The following GPHN variants were observed in gnomAD, a reference collection of about 807,000 sequenced individuals.
GPHN encodes the protein gephyrin.
Under a neutral mutation model 95.5 loss-of-function variants are expected in GPHN, and 17 were observed. The observed-to-expected ratio is 0.18, with a 90% CI of 0.12 to 0.27. The LOEUF (loss-of-function observed/expected upper bound fraction) is 0.27, where lower values mean the gene tolerates loss of function less well. Among genes scored for constraint, GPHN ranks in the 10% least tolerant of loss-of-function variants. The pLI is 1.00. For synonymous variants in GPHN, 320 were observed against 322.5 expected (o/e 0.99, Z 0.08); for missense variants, 660 against 978.1 (o/e 0.67, Z 4.34).
At chr14:66,822,932 A>T (rs1177887324) in intron 3 of GPHN, among the ~76,000 whole-genome samples, 5 of 152,078 alleles carry the variant, frequency 3.3e-5, no homozygotes, top group Admixed American at 2.0e-4. Context: ...GTTCTAGGAT[A>T]CATCAGTCGG....
At chr14:67,029,386 G>A (rs185157234) in intron 10 of GPHN, among the ~76,000 whole-genome samples, 2 of 149,362 alleles carry the variant, frequency 1.3e-5, no homozygotes, top group Non-Finnish European at 3.0e-5. Context: ...TGCCCAGGCT[G>A]GTGTGCAATG....
chr14:67,589,237 T>A, the GPHN span: 1 of 541,920 alleles, frequency 1.8e-6, no homozygotes, highest in Non-Finnish European at 2.4e-6. Context: ...CCCCACCCTC[T>A]CTCCTCCCCA....
intron 1 of GPHN, among the ~76,000 whole-genome samples, chr14:66,664,086 C>T (rs1480120491): frequency 6.6e-6 from 1 of 152,132 alleles, no homozygotes; most frequent in Non-Finnish European, 1.5e-5. Context: ...AGAAAATTAA[C>T]AAAGATATTC....
chr14:67,702,034 C>G, the GPHN span: 1 of 152,120 alleles, frequency 6.6e-6, no homozygotes, highest in East Asian at 1.9e-4. Flanking sequence ...TTAGGCTTGT[C>G]TTGAACTCCT....
the GPHN span, among the ~76,000 whole-genome samples, chr14:67,643,013 G>C: frequency 6.6e-6 from 1 of 151,956 alleles, no homozygotes; most frequent in African/African-American, 2.4e-5. Context: ...ATGTTGCCCA[G>C]ACTGGTCTCG....
chr14:67,423,005 A>T, the GPHN span, among the ~76,000 whole-genome samples: 1 of 150,636 alleles, frequency 6.6e-6, no homozygotes, highest in Non-Finnish European at 1.5e-5. Context: ...CTAATTTTTT[A>T]TTTTTTTTAG....
the GPHN span, among the ~76,000 whole-genome samples, chr14:67,269,275 G>T: frequency 1.3e-5 from 2 of 152,026 alleles, no homozygotes; most frequent in Non-Finnish European, 2.9e-5. Flanking sequence ...TGAACATTTG[G>T]ATTTTTTCTA....
chr14:66,531,932 C>T (rs543937677), intron 1 of GPHN, among the ~76,000 whole-genome samples: 54 of 152,278 alleles, frequency 3.5e-4, no homozygotes, highest in Non-Finnish European at 5.9e-4. Context: ...AACTATTCAG[C>T]TCTGCCCTTG....
the GPHN span, among the ~76,000 whole-genome samples, chr14:67,475,214 C>A: frequency 6.6e-6 from 1 of 152,184 alleles, no homozygotes; most frequent in Admixed American, 6.5e-5. Flanking sequence ...TGTGCCCAGC[C>A]AGAATTTCCT....
intron 2 of GPHN, among the ~76,000 whole-genome samples, chr14:66,762,579 CTG>C (rs763688497): frequency 1.4e-3 from 201 of 142,714 alleles, no homozygotes; most frequent in Non-Finnish European, 2.4e-3. Context: ...AAAAAAAAAT[CTG>C]GGCTCTGGGA....
At chr14:67,024,382 ATC>A in intron 10 of GPHN, among the ~76,000 whole-genome samples, 1 of 152,208 alleles carries the variant, frequency 6.6e-6, no homozygotes, top group Non-Finnish European at 1.5e-5. Flanking sequence ...TGTTCTCTAT[ATC>A]TTAATAGCTT....
At chr14:67,362,785 C>T in the GPHN span, among the ~76,000 whole-genome samples, 1 of 152,100 alleles carries the variant, frequency 6.6e-6, no homozygotes, top group Non-Finnish European at 1.5e-5. Context: ...TTTCATTAGG[C>T]AATATGTTCA....
chr14:67,250,026 G>C, the GPHN span, among the ~76,000 whole-genome samples: 1 of 152,126 alleles, frequency 6.6e-6, no homozygotes, highest in Non-Finnish European at 1.5e-5. Flanking sequence ...TCAAGATAAA[G>C]CTGTTCTATT....
At chr14:66,921,668 T>C (rs2066224504) in intron 6 of GPHN, among the ~76,000 whole-genome samples, 1 of 152,102 alleles carries the variant, frequency 6.6e-6, no homozygotes, top group Non-Finnish European at 1.5e-5. Context: ...GCCATTCCCA[T>C]CAAAATACCA....
the GPHN span, among the ~76,000 whole-genome samples, chr14:67,694,950 G>A: frequency 6.6e-6 from 1 of 152,160 alleles, no homozygotes; most frequent in Middle Eastern, 3.4e-3. Context: ...TGATTCACTG[G>A]GGCACTTGGC....
chr14:67,156,847 G>A (rs868868123), intron 18 of GPHN, among the ~76,000 whole-genome samples: 7 of 151,932 alleles, frequency 4.6e-5, no homozygotes, highest in Admixed American at 3.3e-4. Context: ...GCATGTGCCT[G>A]TAGTCCCAGC....
chr14:67,682,336 G>A, the GPHN span, among the ~76,000 whole-genome samples: 1 of 152,182 alleles, frequency 6.6e-6, no homozygotes, highest in Admixed American at 6.5e-5. Context: ...CCCACAGAAT[G>A]AGAGAATATT....
chr14:67,040,045 T>C (rs530871741), intron 10 of GPHN, among the ~76,000 whole-genome samples: 2 of 152,252 alleles, frequency 1.3e-5, no homozygotes, highest in African/African-American at 2.4e-5. Context: ...CTGTGAGATA[T>C]GTGGTTAATA....
intron 1 of GPHN, among the ~76,000 whole-genome samples, chr14:66,521,593 G>A (rs1330010563): frequency 1.3e-5 from 2 of 152,116 alleles, no homozygotes; most frequent in Non-Finnish European, 2.9e-5. Context: ...TGTTCCTCAG[G>A]GACAATGCCT....
Sources: allele counts gnomAD v4.1 joint callset (sites outside exome capture counted in the v4.1 genomes callset), GRCh38; gene constraint gnomAD v4.1.1; transcripts MANE v1.5; gene names NCBI Gene and HGNC (gene_info 2026-07-23, HGNC 2026-07-21).